The following PARVB variants were observed in gnomAD, a reference collection of about 807,000 sequenced individuals.
PARVB encodes beta-parvin.
Under a neutral mutation model 47.0 loss-of-function variants are expected in PARVB, and 46 were observed. The observed-to-expected ratio is 0.98, with a 90% CI of 0.77 to 1.25. PARVB has a LOEUF of 1.25. PARVB is among the 50% of genes most tolerant of loss of function. The probability of loss-of-function intolerance (pLI) is 0.00; values close to 1 mark genes in which losing one functional copy is unlikely to be tolerated. For missense variants in PARVB, 473 were observed against 471.6 expected, an observed-to-expected ratio of 1.00 and a Z score of -0.03; for synonymous variants, 196 against 196.3, an observed-to-expected ratio of 1.00 and a Z score of 0.01.
exon 1 of PARVB, chr22:43,999,292 T>C (rs575094340): frequency 4.2e-6 from 6 of 1,412,262 alleles, no homozygotes; most frequent in East Asian, 4.7e-5. Context: ...GAATTCTCCC[T>C]TTTTAAAGAC....
chr22:44,045,267 A>C (rs1313892710), intron 1 of PARVB, among the ~76,000 whole-genome samples: 1 of 152,146 alleles, frequency 6.6e-6, no homozygotes, highest in Non-Finnish European at 1.5e-5. Context: ...ATAAATAAAT[A>C]AATACATACA....
At chr22:44,066,032 C>G (rs780184387) in intron 1 of PARVB, among the ~76,000 whole-genome samples, 3 of 152,098 alleles carry the variant, frequency 2.0e-5, no homozygotes, top group Non-Finnish European at 4.4e-5. Flanking sequence ...CCAGTAGTCT[C>G]CTACTTCTTT....
chr22:44,138,078 G>A (rs2053477026), intron 7 of PARVB, among the ~76,000 whole-genome samples: 1 of 152,188 alleles, frequency 6.6e-6, no homozygotes, highest in Non-Finnish European at 1.5e-5. Context: ...TGGGAGAATT[G>A]TCTCAGCTAT....
upstream of PARVB, among the ~76,000 whole-genome samples, chr22:44,022,744 T>C (rs1274031863): frequency 1.5e-5 from 2 of 132,680 alleles, no homozygotes; most frequent in Non-Finnish European, 3.1e-5. Flanking sequence ...TTTTTTATTT[T>C]TTATTTTTTT....
intron 4 of PARVB, among the ~76,000 whole-genome samples, chr22:44,130,908 C>G (rs2147157706): frequency 6.6e-6 from 1 of 152,144 alleles, no homozygotes; most frequent in South Asian, 2.1e-4. Flanking sequence ...GACCTGGAAG[C>G]TCAGCGTTCA....
At chr22:44,121,261 CAA>C (rs1259647423) in intron 4 of PARVB, among the ~76,000 whole-genome samples, 2 of 152,174 alleles carry the variant, frequency 1.3e-5, no homozygotes, top group African/African-American at 2.4e-5. Context: ...GTTGGCCTCC[CAA>C]AGTGTTGGGA....
chr22:44,086,310 A>C (rs1285912750), intron 1 of PARVB, among the ~76,000 whole-genome samples: 1 of 152,250 alleles, frequency 6.6e-6, no homozygotes, highest in African/African-American at 2.4e-5. Context: ...TCCATGGATC[A>C]CTGGAAGTCC....
chr22:44,018,236 T>G (rs2050605335), intron 2 of PARVB, among the ~76,000 whole-genome samples: 1 of 152,066 alleles, frequency 6.6e-6, no homozygotes, highest in Non-Finnish European at 1.5e-5. Context: ...ACCCTGTCTC[T>G]ACTAAAATTA....
At chr22:44,161,630 G>T (rs996236824) in intron 11 of PARVB, among the ~76,000 whole-genome samples, 3 of 152,118 alleles carry the variant, frequency 2.0e-5, no homozygotes, top group Non-Finnish European at 4.4e-5. Flanking sequence ...CCTTTTTAGG[G>T]CACCGATGTC....
Position 44,049,120 on chromosome 22 carries a change from C to T in PARVB, c.112+24669C>T, listed in dbSNP as rs1168071599. ...TGCCCTCTGTCCTGTGCCACTTCCC[C>T]TGCAAAATGAGATGAAAATGAGTCT... On this transcript the variant is annotated intron_variant, in intron 1 of 12. Transcript: ENST00000338758. The surrounding 1 kb of genome is among the most constrained non-coding windows in gnomAD (Gnocchi z 4.0). 2.6e-5 allele frequency among the ~76,000 whole-genome samples: 4 copies of T among 152,158 alleles called. No individual in the cohort carries two copies. The East Asian group carries it at 7.7e-4, about 29-fold the overall frequency.
intron 4 of PARVB, among the ~76,000 whole-genome samples, chr22:44,127,025 T>G (rs1280978141): frequency 2.0e-5 from 3 of 152,240 alleles, no homozygotes; most frequent in Non-Finnish European, 4.4e-5. Context: ...CCTCTTCAGT[T>G]AGTGCTAGCA....
At chr22:44,163,988 G>T (rs569043296) in intron 12 of PARVB, 58 bp downstream of exon 12, 2 of 1,380,432 alleles carry the variant, frequency 1.4e-6, no homozygotes, top group Non-Finnish European at 1.0e-6. Context: ...GAAGAAAAAC[G>T]GGTCCTAGAA....
At chr22:44,099,987 C>T (rs2052402858) in intron 2 of PARVB, 66 bp from the exon 3 acceptor site, 1 of 1,328,524 alleles carries the variant, frequency 7.5e-7, no homozygotes, top group Non-Finnish European at 1.1e-6. Context: ...GTTGGCCTCC[C>T]CCTGGTTCCC....
At chr22:44,156,027 G>C (rs1447974351) in intron 10 of PARVB, among the ~76,000 whole-genome samples, 1 of 152,022 alleles carries the variant, frequency 6.6e-6, no homozygotes, top group Non-Finnish European at 1.5e-5. Flanking sequence ...GCACGCGCCT[G>C]TAATCCCAGC....
At chr22:44,071,816 C>G (rs186334906) in intron 1 of PARVB, among the ~76,000 whole-genome samples, 1 of 152,366 alleles carries the variant, frequency 6.6e-6, no homozygotes, top group Non-Finnish European at 1.5e-5. Flanking sequence ...CCAAGATCTA[C>G]TTTCCTTGTC....
At chr22:44,157,953 C>G (rs2053971565) in intron 10 of PARVB, 29 bp from the exon 11 acceptor site, 1 of 1,549,140 alleles carries the variant, frequency 6.5e-7, no homozygotes, top group Non-Finnish European at 8.9e-7. Context: ...CTTACCCTGC[C>G]CGGAAACATC....
At chr22:44,014,462 T>C (rs1047153311) in intron 2 of PARVB, among the ~76,000 whole-genome samples, 1 of 152,206 alleles carries the variant, frequency 6.6e-6, no homozygotes, top group African/African-American at 2.4e-5. Flanking sequence ...AATGTATGCA[T>C]AGCCCTGGCA....
chr22:44,023,806 C>T (rs1040634886), upstream of PARVB, among the ~76,000 whole-genome samples: 4 of 152,172 alleles, frequency 2.6e-5, no homozygotes, highest in African/African-American at 7.2e-5. Flanking sequence ...TCCTGGAACT[C>T]CCCTTGGAGG....
chr22:44,127,106 A>G (rs2053202822), intron 4 of PARVB, among the ~76,000 whole-genome samples: 1 of 152,216 alleles, frequency 6.6e-6, no homozygotes, highest in Non-Finnish European at 1.5e-5. Context: ...TTATCCATAA[A>G]GTATAACATG....
Sources: gnomAD v4.1 joint callset for allele counts (sites outside exome capture counted in the v4.1 genomes callset) on GRCh38, gnomAD v4.1.1 for gene constraint, Gnocchi (gnomAD v3.1) non-coding constraint, MANE v1.5 for transcripts, NCBI Gene and HGNC (gene_info 2026-07-23, HGNC 2026-07-21) for gene names.